The following KCNC3 variants were observed in gnomAD, a reference collection of about 807,000 sequenced individuals.
KCNC3 encodes voltage-gated potassium channel KCNC3.
A neutral mutation model predicts 43.9 loss-of-function variants in KCNC3; 22 were observed. The ratio of observed to expected loss-of-function variants is 0.50; its 90% CI spans 0.36 to 0.72. The LOEUF is 0.72. KCNC3 is among the 30% of genes least tolerant of loss of function. The probability of loss-of-function intolerance (pLI) is 0.00; values close to 1 mark genes in which losing one functional copy is unlikely to be tolerated. For synonymous variants in KCNC3, 492 were observed against 488.0 expected (o/e 1.01, Z -0.11); for missense variants, 829 against 1,073.8 (o/e 0.77, Z 3.19).
chr19:50,323,943 A>T lies in KCNC3; in HGVS notation c.1010T>A (p.Ile337Asn). ...CTCCGTCTCCACCTCCACGTTGGTG[A>T]TGTTCTCCGGAGGTGCCCCGGGGAT... ...SPIPGAPPEN[I>N]TNVEVETEPF... The change falls in exon 2 of 5, where the codon ATC becomes AAC. Residue 337 changes from isoleucine (I) to asparagine (N), a missense_variant. Physicochemically the swap from Ile to Asn is moderately radical, Grantham distance 149. Around this residue, in one of 7 missense-constraint regions of KCNC3, gnomAD observed 157 missense variants for 293.5 expected, o/e 0.53. Transcript: ENST00000477616. The T allele has an allele frequency of 6.2e-7, 1 of 1,614,098 alleles. No homozygotes were observed. The highest frequency in any genetic ancestry group is 8.5e-7 in the Non-Finnish European group (1 of 1,180,000).
At position 50,314,163 on chromosome 19, in the gene KCNC3, G is replaced by A. The variant is rs2036913892; in HGVS notation, c.*1952C>T. On this transcript the variant is annotated 3_prime_UTR_variant, in exon 5 of 5. Coordinates refer to ENST00000477616, the MANE Select transcript of KCNC3 (RefSeq NM_004977.3). ...AATTCACCAGAGGAATTCTCCTAAA[G>A]GCTGAGGGAGCAGGTCCAAAGCCCG... 6.6e-6 allele frequency: 1 copy of A among 152,220 alleles called. No individual in the cohort carries two copies. Among genetic ancestry groups the A allele is most frequent in the Non-Finnish European group, 1.5e-5 (1 of 68,112 alleles). The allele number at this position is 152,220 out of a possible 1,614,324, so 9.4% of individuals were successfully genotyped here.
intron 2 of KCNC3, among the ~76,000 whole-genome samples, chr19:50,321,674 G>A (rs1456098605): frequency 5.3e-5 from 8 of 152,146 alleles, no homozygotes. Flanking sequence ...GGAGGCTGAG[G>A]TAGGTGAATC....
In KCNC3 at chr19:50,313,530, A is replaced by G. The variant is rs1318529568; in HGVS notation, c.*2585T>C. The G allele has an allele frequency of 6.6e-6, 1 of 152,204 alleles. No individual in the cohort carries two copies. Among genetic ancestry groups the G allele is most frequent in the Non-Finnish European group, 1.5e-5 (1 of 68,044 alleles). The allele number at this position is 152,204 out of a possible 1,614,324, so 9.4% of individuals were successfully genotyped here. ...AAACACTGGTGTCTGTGAAGAGGGTACCTTTGGGGCACCATCTCAGGGAAG... is the reference window on the plus strand; with the variant it reads ...AAACACTGGTGTCTGTGAAGAGGGTGCCTTTGGGGCACCATCTCAGGGAAG... On this transcript the variant is annotated 3_prime_UTR_variant, in exon 5 of 5. Coordinates refer to ENST00000477616, the MANE Select transcript of KCNC3 (RefSeq NM_004977.3).
rs1442513258 is a variant in KCNC3 at position 50,322,976 on chromosome 19, T to G, written c.1977A>C (p.Ala659=). ...AQEEVIEINR[A]DPRPNGDPAA... ...CCGATCCCTGACGCCCAGGCTCACCTGCCCGGTTGATCTCAATCACCTCCT... is the reference window on the plus strand; with the variant it reads ...CCGATCCCTGACGCCCAGGCTCACCGGCCCGGTTGATCTCAATCACCTCCT... Residue 659 remains alanine, a splice_region_variant and synonymous_variant, in exon 2 of 5, where the codon GCA becomes GCC. Transcript: ENST00000477616. The G allele has an allele frequency of 1.3e-6, 2 of 1,550,396 alleles. No individual in the cohort carries two copies. Among genetic ancestry groups the G allele is most frequent in the Non-Finnish European group, 1.7e-6 (2 of 1,147,356 alleles).
rs367635862 is a variant in KCNC3 at position 50,320,794 on chromosome 19, A to G, written c.1979-10T>C. Reference sequence around the variant, plus strand: ...CCATTGGGGCGAGGATCTGCATCCCAAGGGGGTCAGACAGAGAGACAAAGG... The same window carrying G: ...CCATTGGGGCGAGGATCTGCATCCCGAGGGGGTCAGACAGAGAGACAAAGG... On this transcript the variant is annotated splice_polypyrimidine_tract_variant and intron_variant, in intron 2 of 4. Transcript: ENST00000477616. The G allele has an allele frequency of 1.1e-5, 18 of 1,613,022 alleles. No individual in the cohort carries two copies. The highest frequency in any genetic ancestry group is 1.5e-5 in the Non-Finnish European group (18 of 1,179,794).
At position 50,328,352 on chromosome 19, in the gene KCNC3, C is replaced by T. The variant is rs1304271653; in HGVS notation, c.731G>A (p.Arg244His). 2 of 1,176,824 alleles carry T rather than the reference C, an allele frequency of 1.7e-6. No homozygotes were observed. The highest frequency in any genetic ancestry group is 2.1e-6 in the Non-Finnish European group (2 of 955,558). The allele number at this position is 1,176,824 out of a possible 1,614,324, so 72.9% of individuals were successfully genotyped here. Residue 244 changes from arginine to histidine, a missense_variant, in exon 1 of 5, where the codon CGC (arginine) becomes CAC (histidine). By Grantham distance (29) the Arg-to-His change is conservative. This residue lies in a region of KCNC3 where 60 missense variants were observed against 56.0 expected (regional missense o/e 1.07). Transcript: ENST00000477616. ...GCCGCCCGCGTCCTGGAAGCAGAGG[C>T]GCTTGAGCTCGCCGCCCGCTCCGTC... ...GLDGAGGELK[R>H]LCFQDAGGGA...
intron 2 of KCNC3, 101 bp downstream of exon 2, chr19:50,322,871 CTCT>C: frequency 8.0e-7 from 1 of 1,255,120 alleles, no homozygotes; most frequent in Non-Finnish European, 1.1e-6. Context: ...TCTCCCTCAC[CTCT>C]TCGACGCCAA....
chr19:50,312,543 C>T lies in KCNC3; in HGVS notation c.*3572G>A, dbSNP rs907351308. The T allele has an allele frequency of 1.3e-5, 2 of 152,212 alleles. No individual in the cohort carries two copies. The highest frequency in any genetic ancestry group is 2.4e-5 in the African/African-American group (1 of 41,442). The allele number at this position is 152,212 out of a possible 1,614,324, so 9.4% of individuals were successfully genotyped here. ...TTGGAAAGAGTCCCTTTAGCTCGCT[C>T]TCTCCCTCCCCGAATCCCACACTAT... On this transcript the variant is annotated 3_prime_UTR_variant, in exon 5 of 5. Coordinates refer to ENST00000477616, the MANE Select transcript of KCNC3 (RefSeq NM_004977.3).
intron 4 of KCNC3, among the ~76,000 whole-genome samples, chr19:50,319,423 G>A (rs2036998433): frequency 6.6e-6 from 1 of 152,092 alleles, no homozygotes; most frequent in African/African-American, 2.4e-5. Flanking sequence ...AGACAAGGTG[G>A]CAGCCTCTCA....
upstream of KCNC3, among the ~76,000 whole-genome samples, chr19:50,331,534 C>G (rs7258092): frequency 9.4e-6 from 1 of 106,250 alleles, no homozygotes; most frequent in Non-Finnish European, 1.9e-5. Context: ...ATTTCCCCCT[C>G]CTTCTTCCCC....
At position 50,320,245 on chromosome 19, in the gene KCNC3, A is replaced by G; in HGVS notation, c.*1T>C. On this transcript the variant is annotated 3_prime_UTR_variant, in exon 4 of 5. Coordinates refer to ENST00000477616, the MANE Select transcript of KCNC3 (RefSeq NM_004977.3). Reference sequence around the variant, plus strand: ...TACCCCGGGGGGAGGGGGTTCGTCCACTAGGGGGATATCCAGGCCGCGGCG... The same window carrying G: ...TACCCCGGGGGGAGGGGGTTCGTCCGCTAGGGGGATATCCAGGCCGCGGCG... The G allele has an allele frequency of 4.5e-6, 3 of 666,038 alleles. No individual in the cohort carries two copies. The highest frequency in any genetic ancestry group is 6.1e-6 in the Non-Finnish European group (3 of 488,010). The allele number at this position is 666,038 out of a possible 1,614,324, so 41.3% of individuals were successfully genotyped here.
chr19:50,331,982 C>T (rs2037194859), upstream of KCNC3, among the ~76,000 whole-genome samples: 1 of 152,166 alleles, frequency 6.6e-6, no homozygotes, highest in Non-Finnish European at 1.5e-5. Context: ...AGGTCGTTGC[C>T]CTCACTCCCC....
chr19:50,331,140 C>T (rs1316230237), upstream of KCNC3, among the ~76,000 whole-genome samples: 4 of 152,084 alleles, frequency 2.6e-5, no homozygotes, highest in East Asian at 7.7e-4. Context: ...GTTCCCACCC[C>T]TCTGAGTCTC....
chr19:50,319,699 T>G (rs895313982), intron 4 of KCNC3, among the ~76,000 whole-genome samples: 1 of 152,096 alleles, frequency 6.6e-6, no homozygotes, highest in Non-Finnish European at 1.5e-5. Context: ...CATGACTTTC[T>G]AGGTCCGTGT....
rs2037062519 is a variant in KCNC3, at chr19:50,323,483, G to A, written c.1470C>T (p.Ile490=). The A allele has an allele frequency of 1.2e-6, 2 of 1,614,090 alleles. No homozygotes were observed. Among genetic ancestry groups the A allele is most frequent in the African/African-American group, 2.7e-5 (2 of 74,930 alleles). Reference sequence around the variant, plus strand: ...CCACAGCCCACCAGAAGCCAATGGGGATGTTCTTGAAGTAGGTGTGGTTGG... The same window carrying A: ...CCACAGCCCACCAGAAGCCAATGGGAATGTTCTTGAAGTAGGTGTGGTTGG... ...LGSNHTYFKN[I]PIGFWWAVVT... is the part of the protein sequence containing the mutation. Residue 490 remains isoleucine, a synonymous_variant, in exon 2 of 5, where the codon ATC becomes ATT. Coordinates refer to ENST00000477616, the MANE Select transcript of KCNC3 (RefSeq NM_004977.3).
rs10425717 is a variant in KCNC3 at position 50,324,571 on chromosome 19, A to G, written c.871-489T>C. Among the ~76,000 whole-genome samples the G allele has an allele frequency of 0.054, 8,205 of 152,170 alleles. 681 individuals carry two copies. The highest frequency in any genetic ancestry group is 0.18 in the African/African-American group (7,341 of 41,458). ...AGGCGGGCAGGGAGGCAGAATCGTG[A>G]GGTGGTTAAGAGTCGGCGAGCCTGG... On this transcript the variant is annotated intron_variant, in intron 1 of 4. Coordinates refer to ENST00000477616, the MANE Select transcript of KCNC3 (RefSeq NM_004977.3). The surrounding 1 kb of genome is among the most constrained non-coding windows in gnomAD (Gnocchi z 4.1).
Position 50,314,496 on chromosome 19 carries a change from G to A in KCNC3, c.*1619C>T, listed in dbSNP as rs2036919935. On this transcript the variant is annotated 3_prime_UTR_variant, in exon 5 of 5. Transcript: ENST00000477616. ...AGGTGGACTTGGAGTGGGGGCTCCA[G>A]GTTAGGGAAGGCATGCAGTGTGTGG... 5 of 191,370 alleles carry A rather than the reference G, an allele frequency of 2.6e-5. No individual in the cohort carries two copies. In the South Asian group the frequency reaches 3.6e-4, roughly 14 times the overall value. The allele number at this position is 191,370 out of a possible 1,614,324, so 11.9% of individuals were successfully genotyped here.
chr19:50,330,178 A>G (rs1374029671), upstream of KCNC3, among the ~76,000 whole-genome samples: 1 of 152,118 alleles, frequency 6.6e-6, no homozygotes, highest in Non-Finnish European at 1.5e-5. Flanking sequence ...GAGGCAGGAG[A>G]ATCGCTTGAA....
chr19:50,317,489 GT>G (rs767278016), intron 4 of KCNC3, among the ~76,000 whole-genome samples: 3 of 152,226 alleles, frequency 2.0e-5, no homozygotes, highest in Non-Finnish European at 4.4e-5. Flanking sequence ...ACAGACGGCT[GT>G]TGAATGAATG....
Sources: gnomAD v4.1 joint callset for allele counts (sites outside exome capture counted in the v4.1 genomes callset) on GRCh38, gnomAD v4.1.1 for gene constraint, gnomAD v4.1.1 regional missense constraint, Gnocchi (gnomAD v3.1) non-coding constraint, MANE v1.5 for transcripts, NCBI Gene and HGNC (gene_info 2026-07-23, HGNC 2026-07-21) for gene names.